The following EYS variants were observed in gnomAD, a reference collection of about 807,000 sequenced individuals.
EYS encodes protein eyes shut homolog.
EYS carries 250 observed loss-of-function variants against 282.1 expected under a neutral mutation model. The ratio of observed to expected loss-of-function variants is 0.89; its 90% CI spans 0.80 to 0.98. The LOEUF (loss-of-function observed/expected upper bound fraction) is 0.98, where lower values mean the gene tolerates loss of function less well. EYS is among the 50% of genes least tolerant of loss of function. The pLI is 0.00. For synonymous variants in EYS, 1,355 were observed against 1,282.9 expected (o/e 1.06, Z -1.20); for missense variants, 4,016 against 3,709.0 (o/e 1.08, Z -2.15).
intron 32 of EYS, among the ~76,000 whole-genome samples, chr6:64,078,417 C>G (rs1028696690): frequency 1.1e-4 from 16 of 151,986 alleles, no homozygotes; most frequent in Non-Finnish European, 1.9e-4. Flanking sequence ...TTACCAGTAT[C>G]TAACTGAATT....
intron 22 of EYS, among the ~76,000 whole-genome samples, chr6:64,661,989 T>C (rs1225917932): frequency 6.6e-6 from 1 of 151,596 alleles, no homozygotes; most frequent in Non-Finnish European, 1.5e-5. Flanking sequence ...AACCCAAATG[T>C]CCAACAATGA....
chr6:64,230,578 T>G lies in EYS; in HGVS notation c.6424+14A>C. On this transcript the variant is annotated intron_variant, in intron 31 of 42. Transcript: ENST00000503581. ...TTTAAAAAGAAATACAAAAGGGTAA[T>G]GAAGATTGATTACCTTTTTCACAGA... is the stretch of plus-strand genomic sequence containing the variant. 6.5e-7 allele frequency: 1 copy of G among 1,530,782 alleles called. No homozygotes were observed. The allele number at this position is 1,530,782 out of a possible 1,614,324, so 94.8% of individuals were successfully genotyped here.
chr6:64,535,847 CA>C (rs1265279982), intron 26 of EYS, among the ~76,000 whole-genome samples: 1 of 151,958 alleles, frequency 6.6e-6, no homozygotes, highest in Non-Finnish European at 1.5e-5. Context: ...AGTAGTTAAC[CA>C]TTTTTTTGTC....
At chr6:65,669,787 C>T (rs75861408) in intron 1 of EYS, among the ~76,000 whole-genome samples, 2,420 of 151,902 alleles carry the variant, frequency 0.016, 21 homozygotes, top group Middle Eastern at 0.027. Context: ...TATTAACACC[C>T]GCACAGTTGG....
intron 35 of EYS, among the ~76,000 whole-genome samples, chr6:63,929,120 A>C (rs1764811412): frequency 1.3e-5 from 2 of 152,206 alleles, no homozygotes; most frequent in Non-Finnish European, 2.9e-5. Context: ...TGTCATCAAT[A>C]ATGTTTACTT....
chr6:64,115,959 G>A (rs1239327309), intron 31 of EYS, among the ~76,000 whole-genome samples: 1 of 151,966 alleles, frequency 6.6e-6, no homozygotes, highest in Non-Finnish European at 1.5e-5. Flanking sequence ...AACCTAATAA[G>A]CTCTTTAAGA....
At chr6:64,372,535 G>A (rs1772418603) in intron 29 of EYS, among the ~76,000 whole-genome samples, 1 of 151,826 alleles carries the variant, frequency 6.6e-6, no homozygotes, top group Non-Finnish European at 1.5e-5. Flanking sequence ...GTCTTCTTGG[G>A]GATGGTGTAG....
At chr6:63,757,224 G>GTT (rs1390821512) in intron 41 of EYS, among the ~76,000 whole-genome samples, 2 of 152,010 alleles carry the variant, frequency 1.3e-5, no homozygotes, top group Admixed American at 1.3e-4. Context: ...TTCTTGGGGG[G>GTT]AGGTCTATAA....
intron 12 of EYS, among the ~76,000 whole-genome samples, chr6:65,177,742 T>C (rs1765262599): frequency 6.6e-6 from 1 of 151,904 alleles, no homozygotes; most frequent in Non-Finnish European, 1.5e-5. Context: ...ATAATCTACA[T>C]AGATCACTGT....
At chr6:64,361,354 C>CAT (rs1472498678) in intron 29 of EYS, among the ~76,000 whole-genome samples, 1 of 151,508 alleles carries the variant, frequency 6.6e-6, no homozygotes, top group African/African-American at 2.4e-5. Flanking sequence ...GATATGATAA[C>CAT]TACTAAAGGA....
chr6:64,392,440 C>T (rs76137569), intron 28 of EYS, among the ~76,000 whole-genome samples: 2 of 148,228 alleles, frequency 1.3e-5, no homozygotes, highest in Non-Finnish European at 3.0e-5. Flanking sequence ...TCAGACCACA[C>T]TGCAATCAAA....
chr6:64,949,786 T>G (rs895262067), intron 14 of EYS, among the ~76,000 whole-genome samples: 4 of 151,922 alleles, frequency 2.6e-5, no homozygotes, highest in African/African-American at 7.2e-5. Flanking sequence ...CTACTTAATC[T>G]TTCCAAGTAA....
intron 35 of EYS, among the ~76,000 whole-genome samples, chr6:63,956,594 T>C (rs1425439812): frequency 1.3e-5 from 2 of 152,214 alleles, no homozygotes; most frequent in African/African-American, 4.8e-5. Flanking sequence ...CTATATGTAT[T>C]TTATTTTTAA....
At chr6:64,024,692 C>A (rs1769394436) in intron 33 of EYS, among the ~76,000 whole-genome samples, 1 of 152,116 alleles carries the variant, frequency 6.6e-6, no homozygotes, top group African/African-American at 2.4e-5. Context: ...AGACCACGAA[C>A]TCACCGGGAG....
intron 13 of EYS, among the ~76,000 whole-genome samples, chr6:65,049,387 C>A (rs190580595): frequency 1.3e-5 from 2 of 151,638 alleles, no homozygotes; most frequent in South Asian, 4.1e-4. Flanking sequence ...ATGTATAATA[C>A]GAGGATATGC....
intron 33 of EYS, among the ~76,000 whole-genome samples, chr6:64,057,909 G>A (rs1771039386): frequency 6.6e-6 from 1 of 152,100 alleles, no homozygotes; most frequent in Non-Finnish European, 1.5e-5. Flanking sequence ...TTGGCTCACT[G>A]CAGCCTCAAC....
At chr6:64,514,036 C>G (rs1311754865) in intron 26 of EYS, among the ~76,000 whole-genome samples, 1 of 151,622 alleles carries the variant, frequency 6.6e-6, no homozygotes, top group Non-Finnish European at 1.5e-5. Context: ...AATTACGATG[C>G]CTTTTAATAT....
At chr6:63,867,892 C>T (rs925416036) in intron 35 of EYS, among the ~76,000 whole-genome samples, 3 of 152,110 alleles carry the variant, frequency 2.0e-5, no homozygotes, top group African/African-American at 7.2e-5. Context: ...TTTTGCATAG[C>T]CTACTTTTAC....
At chr6:64,331,961 T>C (rs1288377114) in intron 29 of EYS, among the ~76,000 whole-genome samples, 1 of 152,202 alleles carries the variant, frequency 6.6e-6, no homozygotes, top group African/African-American at 2.4e-5. Context: ...AAGGACATTA[T>C]TTCTAGATTT....
Sources: gnomAD v4.1 joint callset for allele counts (sites outside exome capture counted in the v4.1 genomes callset) on GRCh38, gnomAD v4.1.1 for gene constraint, MANE v1.5 for transcripts, NCBI Gene and HGNC (gene_info 2026-07-23, HGNC 2026-07-21) for gene names.